KCNH1: variants seen among roughly 807,000 people sequenced by gnomAD.
The protein encoded by KCNH1 is voltage-gated delayed rectifier potassium channel KCNH1.
A neutral mutation model predicts 69.2 loss-of-function variants in KCNH1; 27 were observed. That is an observed-to-expected ratio of 0.39 (90% confidence interval 0.29 to 0.54). The LOEUF (loss-of-function observed/expected upper bound fraction) is 0.54. Among genes scored for constraint, KCNH1 ranks in the 20% least tolerant of loss-of-function variants. KCNH1 has a pLI of 0.68. For synonymous variants in KCNH1, 456 were observed against 487.7 expected (o/e 0.93, Z 0.86); for missense variants, 798 against 1,261.6 (o/e 0.63, Z 5.57).
chr1:210,951,756 G>A (rs1688066914), intron 6 of KCNH1, among the ~76,000 whole-genome samples: 1 of 152,068 alleles, frequency 6.6e-6, no homozygotes. Flanking sequence ...TTCAGGGTAA[G>A]GACTAAAGCA....
At chr1:210,874,261 A>G (rs1331082491) in intron 7 of KCNH1, among the ~76,000 whole-genome samples, 1 of 152,216 alleles carries the variant, frequency 6.6e-6, no homozygotes, top group East Asian at 1.9e-4. Flanking sequence ...TTGAGTCACT[A>G]AATTAAACAG....
intron 6 of KCNH1, among the ~76,000 whole-genome samples, chr1:210,977,704 G>T (rs1688640286): frequency 6.6e-6 from 1 of 152,136 alleles, no homozygotes; most frequent in South Asian, 2.1e-4. Context: ...TTGACCCAAT[G>T]TTTTACATAG....
chr1:210,783,799 C>T (rs1219308326), intron 9 of KCNH1, among the ~76,000 whole-genome samples: 6 of 152,196 alleles, frequency 3.9e-5, no homozygotes, highest in African/African-American at 1.4e-4. Flanking sequence ...GTCTAAGCTT[C>T]CTTTCTTTTG....
At chr1:211,100,452 G>A (rs978565893) in intron 3 of KCNH1, among the ~76,000 whole-genome samples, 3 of 151,986 alleles carry the variant, frequency 2.0e-5, no homozygotes, top group East Asian at 1.9e-4. Flanking sequence ...TCTGGAGTTC[G>A]ACAATTCTCC....
chr1:210,782,608 C>A (rs966272476), intron 9 of KCNH1, among the ~76,000 whole-genome samples: 1 of 152,030 alleles, frequency 6.6e-6, no homozygotes, highest in African/African-American at 2.4e-5. Flanking sequence ...CACTTGTAAT[C>A]GCAGCTACTC....
At chr1:210,788,104 TG>T (rs1408710045) in intron 9 of KCNH1, among the ~76,000 whole-genome samples, 1 of 152,248 alleles carries the variant, frequency 6.6e-6, no homozygotes, top group Non-Finnish European at 1.5e-5. Flanking sequence ...TTTCCAAGAT[TG>T]CTATGGATGA....
intron 7 of KCNH1, among the ~76,000 whole-genome samples, chr1:210,909,386 T>C (rs1368550031): frequency 6.6e-6 from 1 of 152,174 alleles, no homozygotes; most frequent in Non-Finnish European, 1.5e-5. Flanking sequence ...TCCACATTAA[T>C]GAACAAACAA....
At position 210,976,048 on chromosome 1, in the gene KCNH1, G is replaced by A. The variant is rs530458613; in HGVS notation, c.1032+42735C>T. ...GAGAAACGCAAATCAAAACCACAAT[G>A]AGATACCATCTCACACCAGTTAGAA... On this transcript the variant is annotated intron_variant, in intron 6 of 10. Transcript: ENST00000271751. Among the ~76,000 whole-genome samples the A allele has an allele frequency of 3.9e-5, 6 of 152,300 alleles. No individual in the cohort carries two copies. The East Asian group carries it at 1.2e-3, about 29-fold the overall frequency.
At position 211,111,301 on chromosome 1, in the gene KCNH1, C is replaced by T. The variant is rs148856976; in HGVS notation, c.80-3924G>A. Among the ~76,000 whole-genome samples the T allele has an allele frequency of 8.8e-3, 1,334 of 152,224 alleles. 15 individuals are homozygous for T. Among genetic ancestry groups the T allele is most frequent in the African/African-American group, 0.03 (1,240 of 41,520 alleles). The stretch of plus-strand genomic sequence containing the variant: ...AACCAAACCCACCGCCTCTGCCCAG[C>T]GGTCCCACCGTCTGGGAAGTCAGGA... On this transcript the variant is annotated intron_variant, in intron 1 of 10. Transcript: ENST00000271751.
chr1:210,822,583 A>C (rs556176210), intron 7 of KCNH1, among the ~76,000 whole-genome samples: 1 of 152,254 alleles, frequency 6.6e-6, no homozygotes, highest in African/African-American at 2.4e-5. Flanking sequence ...CTGTCTTAAA[A>C]TTCCTAACAA....
intron 3 of KCNH1, among the ~76,000 whole-genome samples, chr1:211,097,474 TTAAA>T (rs1691178518): frequency 6.6e-6 from 1 of 152,164 alleles, no homozygotes; most frequent in African/African-American, 2.4e-5. Flanking sequence ...GAAAAAATGT[TTAAA>T]TAGAGAAAAA....
chr1:211,126,510 C>CA (rs397963989), intron 1 of KCNH1, among the ~76,000 whole-genome samples: 12,913 of 118,418 alleles, frequency 0.11, 680 homozygotes, highest in South Asian at 0.16. Flanking sequence ...ACTCTGTCTC[C>CA]AAAAAAAAAA....
chr1:210,715,725 CAAT>C (rs1323142519), intron 10 of KCNH1, among the ~76,000 whole-genome samples: 1 of 152,004 alleles, frequency 6.6e-6, no homozygotes, highest in Non-Finnish European at 1.5e-5. Flanking sequence ...ATTTTAGCAA[CAAT>C]AATCATCAAA....
At chr1:210,776,362 G>T (rs1254794434) in intron 9 of KCNH1, among the ~76,000 whole-genome samples, 1 of 152,054 alleles carries the variant, frequency 6.6e-6, no homozygotes, top group African/African-American at 2.4e-5. Flanking sequence ...CATTCCACAA[G>T]AATACATTTA....
At chr1:210,691,008 C>T (rs1042833246) in intron 10 of KCNH1, among the ~76,000 whole-genome samples, 16 of 152,188 alleles carry the variant, frequency 1.1e-4, no homozygotes, top group Admixed American at 3.3e-4. Flanking sequence ...GGACTTGGAT[C>T]GTGTTCCCCA....
intron 5 of KCNH1, among the ~76,000 whole-genome samples, chr1:211,078,854 C>T (rs1477909399): frequency 1.4e-5 from 2 of 143,804 alleles, no homozygotes; most frequent in Non-Finnish European, 3.0e-5. Context: ...GGAGGCAGAG[C>T]TCACAGTGAG....
At chr1:210,693,039 TCTG>T (rs1372186634) in intron 10 of KCNH1, among the ~76,000 whole-genome samples, 1 of 152,152 alleles carries the variant, frequency 6.6e-6, no homozygotes, top group Non-Finnish European at 1.5e-5. Flanking sequence ...TGTTCTCCCT[TCTG>T]CTTCAGTATT....
intron 6 of KCNH1, among the ~76,000 whole-genome samples, chr1:210,953,789 T>C (rs1328925788): frequency 6.6e-6 from 1 of 152,188 alleles, no homozygotes; most frequent in Non-Finnish European, 1.5e-5. Context: ...ATCTCTTACT[T>C]CTACTCTGCC....
intron 5 of KCNH1, among the ~76,000 whole-genome samples, chr1:211,029,641 A>G (rs1337562652): frequency 6.6e-6 from 1 of 152,184 alleles, no homozygotes; most frequent in Non-Finnish European, 1.5e-5. Context: ...TACAACAAGG[A>G]ACAAGGCAAA....
Sources: allele counts gnomAD v4.1 joint callset (sites outside exome capture counted in the v4.1 genomes callset), GRCh38; gene constraint gnomAD v4.1.1; transcripts MANE v1.5; gene names NCBI Gene and HGNC (gene_info 2026-07-23, HGNC 2026-07-21).